Variants in LFNG observed in about 807,000 individuals in gnomAD.
LFNG encodes the protein beta-1,3-N-acetylglucosaminyltransferase lunatic fringe.
Under a neutral mutation model 32.7 loss-of-function variants are expected in LFNG, and 15 were observed. The observed-to-expected ratio is 0.46, with a 90% CI of 0.31 to 0.71. The LOEUF (loss-of-function observed/expected upper bound fraction) is 0.71. Ranked by LOEUF, LFNG falls within the 30% of genes least tolerant of loss-of-function variation. The probability of loss-of-function intolerance (pLI) is 0.06; values close to 1 mark genes in which losing one functional copy is unlikely to be tolerated. For synonymous variants in LFNG, 274 were observed against 246.8 expected (o/e 1.11, Z -1.03); for missense variants, 520 against 545.7 (o/e 0.95, Z 0.47).
Position 2,526,439 on chromosome 7 carries a change from T to C in LFNG, c.987+30T>C. The C allele has an allele frequency of 6.2e-7, 1 of 1,601,070 alleles. No individual in the cohort carries two copies. The highest frequency in any genetic ancestry group is 8.5e-7 in the Non-Finnish European group (1 of 1,179,060). On this transcript the variant is annotated intron_variant, in intron 6 of 7. Coordinates refer to ENST00000222725, the MANE Select transcript of LFNG (RefSeq NM_001040167.2). The surrounding 1 kb of genome is among the most constrained non-coding windows in gnomAD (Gnocchi z 6.9). The stretch of plus-strand genomic sequence containing the variant: ...ACCATCCTCCGGGCCCCGCCAGGAC[T>C]CCGAGAGCACAGGAAGGGACGTGTG...
At chr7:2,529,157 C>T (rs901987869), downstream of LFNG, 5 of 312,636 alleles carry the variant, frequency 1.6e-5, no homozygotes, top group Admixed American at 1.0e-4. This position sits in a 1 kb window ranked among gnomAD's most constrained non-coding sequence, Gnocchi z 4.2. Context: ...AGCAGCTCTG[C>T]GGTGCTTTTC....
At chr7:2,512,772 C>A in intron 1 of LFNG, 1 of 1,369,178 alleles carries the variant, frequency 7.3e-7, no homozygotes, top group Non-Finnish European at 1.0e-6. Context: ...GAACCTGGAG[C>A]CCCCTATGTC....
At chr7:2,515,704 T>A (rs937263482), upstream of LFNG, among the ~76,000 whole-genome samples, 1 of 152,180 alleles carries the variant, frequency 6.6e-6, no homozygotes. Flanking sequence ...ACCAGCCATA[T>A]CCCTATTACA....
At chr7:2,524,847 C>T in intron 2 of LFNG, 104 bp downstream of exon 2, 1 of 1,110,860 alleles carries the variant, frequency 9.0e-7, no homozygotes, top group Non-Finnish European at 1.3e-6. Context: ...TCACCAAGGG[C>T]AGGACAGGGA....
Position 2,527,544 on chromosome 7 carries a change from G to C in LFNG, c.*332G>C. The stretch of plus-strand genomic sequence containing the variant: ...ATTTTTGGATCTTTCTACAGCTACG[G>C]GGCTCCGGGCTACTTTGCAGGGATG... On this transcript the variant is annotated 3_prime_UTR_variant, in exon 8 of 8. Transcript: ENST00000222725. The surrounding 1 kb of genome is among the most constrained non-coding windows in gnomAD (Gnocchi z 4.4). 1 of 1,272,236 alleles carries C rather than the reference G, an allele frequency of 7.9e-7. No homozygotes were observed. Among genetic ancestry groups the C allele is most frequent in the Non-Finnish European group, 1.0e-6 (1 of 995,956 alleles). 78.8% of individuals were successfully genotyped at this position (1,272,236 alleles called of 1,614,324 possible). A position where few individuals can be genotyped will look rare whatever the true frequency, so the allele number is the denominator to read the frequency against.
At chr7:2,524,782 C>G in intron 2 of LFNG, 39 bp downstream of exon 2, 2 of 1,538,536 alleles carry the variant, frequency 1.3e-6, no homozygotes, top group Non-Finnish European at 1.8e-6. Context: ...GCCCAGGCCT[C>G]CATCCAGAGC....
upstream of LFNG, among the ~76,000 whole-genome samples, chr7:2,513,914 C>T (rs999655705): frequency 6.6e-6 from 1 of 152,250 alleles, no homozygotes. Context: ...CCAGGCCTGC[C>T]GTCCTCCTGG....
At chr7:2,523,436 C>T (rs540474691) in intron 1 of LFNG, among the ~76,000 whole-genome samples, 32 of 152,302 alleles carry the variant, frequency 2.1e-4, no homozygotes, top group Non-Finnish European at 4.3e-4. Context: ...AGGGCCTCTG[C>T]GGGACCTGTG....
Position 2,522,729 on chromosome 7 carries a change from G to A in LFNG, c.433-1966G>A, listed in dbSNP as rs149663093. 4.1e-3 allele frequency among the ~76,000 whole-genome samples: 631 copies of A among 152,350 alleles called. 3 individuals are homozygous for A. The highest frequency in any genetic ancestry group is 0.011 in the Admixed American group (163 of 15,304). On this transcript the variant is annotated intron_variant, in intron 1 of 7. Transcript: ENST00000222725. The stretch of plus-strand genomic sequence containing the variant: ...GGCCCCAGGGTATGACCTCAGGCTG[G>A]TGCCTGCACCTCTCTGGGCCTCAGT...
At position 2,524,690 on chromosome 7, in the gene LFNG, T is replaced by C; in HGVS notation, c.433-5T>C. The C allele has an allele frequency of 1.3e-6, 2 of 1,585,012 alleles. No homozygotes were observed. Among genetic ancestry groups the C allele is most frequent in the Non-Finnish European group, 1.7e-6 (2 of 1,165,598 alleles). Reference sequence around the variant, plus strand: ...GCCTGCTGAAGGCCGATTTTCTCCTTCCAGACGTTCATCTTCACTGACGGG... The same window carrying C: ...GCCTGCTGAAGGCCGATTTTCTCCTCCCAGACGTTCATCTTCACTGACGGG... On this transcript the variant is annotated splice_polypyrimidine_tract_variant and splice_region_variant and intron_variant, in intron 1 of 7. Coordinates refer to ENST00000222725, the MANE Select transcript of LFNG (RefSeq NM_001040167.2).
rs1779987956 is a variant in LFNG, at chr7:2,526,713, T to G, written c.988-123T>G. On this transcript the variant is annotated intron_variant, in intron 6 of 7. Transcript: ENST00000222725. The surrounding 1 kb of genome is among the most constrained non-coding windows in gnomAD (Gnocchi z 6.9). ...ATTCCTGGGGTGTGCAGGGCAGGTG[T>G]CCTTCCAGGTCCAAGGGAGGCCAGG... The G allele has an allele frequency of 3.4e-6, 3 of 893,370 alleles. No individual in the cohort carries two copies. Among genetic ancestry groups the G allele is most frequent in the Non-Finnish European group, 3.6e-6 (2 of 548,644 alleles). 55.3% of individuals were successfully genotyped at this position (893,370 alleles called of 1,614,324 possible). A position where few individuals can be genotyped will look rare whatever the true frequency, so the allele number is the denominator to read the frequency against.
At chr7:2,513,356 C>T (rs542479665), upstream of LFNG, 7 of 1,561,426 alleles carry the variant, frequency 4.5e-6, no homozygotes, top group Admixed American at 7.1e-5. Context: ...GGGGACATAA[C>T]CTCCCCTTCT....
In LFNG at chr7:2,520,386, C is replaced by A; in HGVS notation, c.432+93C>A. On this transcript the variant is annotated intron_variant, in intron 1 of 7. Transcript: ENST00000222725. The surrounding 1 kb of genome is among the most constrained non-coding windows in gnomAD (Gnocchi z 5.0). ...GCAGTGTCCCATGGGAGTCAGGCTG[C>A]ATCCCCATCCAGCCACTAGGGCCAT... The A allele has an allele frequency of 8.6e-7, 1 of 1,160,398 alleles. No homozygotes were observed. Among genetic ancestry groups the A allele is most frequent in the Non-Finnish European group, 1.2e-6 (1 of 821,748 alleles). The allele number at this position is 1,160,398 out of a possible 1,614,324, so 71.9% of individuals were successfully genotyped here. A position where few individuals can be genotyped will look rare whatever the true frequency, so the allele number is the denominator to read the frequency against.
rs1779977986 is a variant in LFNG at position 2,526,434 on chromosome 7, A to C, written c.987+25A>C. The C allele has an allele frequency of 1.2e-6, 2 of 1,602,292 alleles. 1 individual carries two copies. The highest frequency in any genetic ancestry group is 2.2e-5 in the South Asian group (2 of 91,044). ...GGTGCACCATCCTCCGGGCCCCGCC[A>C]GGACTCCGAGAGCACAGGAAGGGAC... On this transcript the variant is annotated intron_variant, in intron 6 of 7. Coordinates refer to ENST00000222725, the MANE Select transcript of LFNG (RefSeq NM_001040167.2). This position sits in a 1 kb window ranked among gnomAD's most constrained non-coding sequence, Gnocchi z 6.9.
rs768832020 is a variant in LFNG, at chr7:2,512,606, C to T, written c.-49C>T. ...AGAGGCCAAGGCGGCTCCTGGCCAC[C>T]CTCGCAGCTTCCTCCCTCCCTGGCC... On this transcript the variant is annotated 5_prime_UTR_variant, in exon 1 of 9. Transcript: ENST00000402506. The T allele has an allele frequency of 1.1e-5, 17 of 1,587,800 alleles. No homozygotes were observed. The South Asian group carries it at 1.9e-4, about 18-fold the overall frequency.
At chr7:2,522,484 C>A (rs1369735229) in intron 1 of LFNG, among the ~76,000 whole-genome samples, 3 of 152,214 alleles carry the variant, frequency 2.0e-5, no homozygotes, top group African/African-American at 7.2e-5. Flanking sequence ...GCCACCACAG[C>A]GGCCACAATT....
upstream of LFNG, chr7:2,513,406 A>G (rs1057062464): frequency 3.6e-5 from 52 of 1,438,362 alleles, no homozygotes; most frequent in Middle Eastern, 5.4e-4. Context: ...TTGATGCTGT[A>G]TCGTCTTCCC....
chr7:2,512,748 TC>T, intron 1 of LFNG: 1 of 1,581,262 alleles, frequency 6.3e-7, no homozygotes, highest in Non-Finnish European at 8.7e-7. Flanking sequence ...CTCAGAGCCG[TC>T]CCTCTTGCTC....
At position 2,526,445 on chromosome 7, in the gene LFNG, A is replaced by AGCACAGGAAGGGAC. The variant is rs779121725; in HGVS notation, c.987+38_987+51dup. On this transcript the variant is annotated intron_variant, in intron 6 of 7. Transcript: ENST00000222725. The surrounding 1 kb of genome is among the most constrained non-coding windows in gnomAD (Gnocchi z 6.9). The stretch of plus-strand genomic sequence containing the variant: ...CTCCGGGCCCCGCCAGGACTCCGAG[A>AGCACAGGAAGGGAC]GCACAGGAAGGGACGTGTGGCTGCC... 2 of 1,600,148 alleles carry AGCACAGGAAGGGAC rather than the reference A, an allele frequency of 1.2e-6. No individual in the cohort carries two copies. The highest frequency in any genetic ancestry group is 2.2e-5 in the South Asian group (2 of 91,000).
Sources: allele counts gnomAD v4.1 joint callset (sites outside exome capture counted in the v4.1 genomes callset), GRCh38; gene constraint gnomAD v4.1.1; non-coding constraint Gnocchi (gnomAD v3.1); transcripts MANE v1.5; gene names NCBI Gene and HGNC (gene_info 2026-07-23, HGNC 2026-07-21).